The following PPP3CA variants were observed in gnomAD, a reference collection of about 807,000 sequenced individuals.
PPP3CA encodes protein phosphatase 3 catalytic subunit alpha.
In PPP3CA, 14 loss-of-function variants were observed where a neutral mutation model predicts 66.5. That is an observed-to-expected ratio of 0.21 (90% CI 0.14 to 0.33). The LOEUF (loss-of-function observed/expected upper bound fraction) is 0.33, where lower values mean the gene tolerates loss of function less well. Ranked by LOEUF, PPP3CA falls within the 10% of genes least tolerant of loss-of-function variation. PPP3CA has a pLI of 1.00. For missense variants in PPP3CA, 317 were observed against 639.5 expected (o/e 0.50, Z 5.44); for synonymous variants, 232 against 226.2 (o/e 1.03, Z -0.23).
At chr4:101,045,557 C>T (rs1235806107) in intron 10 of PPP3CA, among the ~76,000 whole-genome samples, 1 of 152,172 alleles carries the variant, frequency 6.6e-6, no homozygotes, top group Non-Finnish European at 1.5e-5. Context: ...GAATGACATT[C>T]TCCATAGAGA....
intron 1 of PPP3CA, among the ~76,000 whole-genome samples, chr4:101,327,539 T>A (rs1464264569): frequency 6.6e-6 from 1 of 152,112 alleles, no homozygotes; most frequent in Non-Finnish European, 1.5e-5. Flanking sequence ...GTTTCTTACA[T>A]ATTTTCTCAC....
intron 1 of PPP3CA, among the ~76,000 whole-genome samples, chr4:101,312,442 G>A (rs902106968): frequency 1.3e-5 from 2 of 151,602 alleles, no homozygotes; most frequent in African/African-American, 4.8e-5. Flanking sequence ...AATAATAAAA[G>A]AATTCACTGG....
In PPP3CA at chr4:101,159,310, A is replaced by G. The variant is rs1723425294; in HGVS notation, c.259+36606T>C. On this transcript the variant is annotated intron_variant, in intron 2 of 13. Coordinates refer to ENST00000394854, the MANE Select transcript of PPP3CA (RefSeq NM_000944.5). ...GCAGGCCACGCTGCTCTAACTAGGT[A>G]CTCACCAGTTTTTTCCCTCTATCTC... Among the ~76,000 whole-genome samples, 6 of 152,040 alleles carry G rather than the reference A, an allele frequency of 3.9e-5. No individual in the cohort carries two copies. In the South Asian group the frequency reaches 1.2e-3, roughly 32 times the overall value.
intron 2 of PPP3CA, among the ~76,000 whole-genome samples, chr4:101,137,620 T>G (rs1429584929): frequency 6.6e-6 from 1 of 152,114 alleles, no homozygotes; most frequent in African/African-American, 2.4e-5. Context: ...TGATGTCCTT[T>G]GGAAGAGCTG....
intron 2 of PPP3CA, among the ~76,000 whole-genome samples, chr4:101,158,553 T>C (rs1723400299): frequency 6.6e-6 from 1 of 152,224 alleles, no homozygotes; most frequent in South Asian, 2.1e-4. Context: ...CATATTATAA[T>C]TAAATGTCAG....
At chr4:101,176,785 C>T (rs1724074881) in intron 2 of PPP3CA, among the ~76,000 whole-genome samples, 1 of 151,670 alleles carries the variant, frequency 6.6e-6, no homozygotes, top group Admixed American at 6.6e-5. Flanking sequence ...ACTGTGAAGC[C>T]CCCCCAAAAA....
intron 2 of PPP3CA, among the ~76,000 whole-genome samples, chr4:101,164,562 G>T (rs1350430114): frequency 8.4e-5 from 12 of 142,186 alleles, no homozygotes; most frequent in South Asian, 2.2e-4. Flanking sequence ...TGGGATTTAA[G>T]TTTTTTTTTT....
At chr4:101,307,360 G>T (rs1162295756) in intron 1 of PPP3CA, among the ~76,000 whole-genome samples, 1 of 152,070 alleles carries the variant, frequency 6.6e-6, no homozygotes, top group African/African-American at 2.4e-5. Context: ...GCTGCCATAT[G>T]TCAAGTATTT....
chr4:101,098,399 G>C lies in PPP3CA; in HGVS notation c.610C>G (p.Pro204Ala). Reference protein sequence around the residue: ...QFLCVHGGLSPEINTLDDIRK... With the variant: ...QFLCVHGGLSAEINTLDDIRK... ...ATATCATCTAAAGTGTTAATCTCTGGAGACAAACCACCATGCACACACAGG... is the reference window on the plus strand; with the variant it reads ...ATATCATCTAAAGTGTTAATCTCTGCAGACAAACCACCATGCACACACAGG... Residue 204 changes from proline to alanine, a missense_variant, in exon 5 of 14, where the codon CCA becomes GCA. Around this residue, in one of 3 missense-constraint regions of PPP3CA, gnomAD observed 201 missense variants for 501.4 expected, o/e 0.40. Coordinates refer to ENST00000394854, the MANE Select transcript of PPP3CA (RefSeq NM_000944.5). 1 of 1,609,804 alleles carries C rather than the reference G, an allele frequency of 6.2e-7. No homozygotes were observed. Among genetic ancestry groups the C allele is most frequent in the Non-Finnish European group, 8.5e-7 (1 of 1,178,350 alleles).
chr4:101,069,300 T>A (rs1349374341), intron 8 of PPP3CA, among the ~76,000 whole-genome samples: 1 of 152,194 alleles, frequency 6.6e-6, no homozygotes, highest in African/African-American at 2.4e-5. Flanking sequence ...TTATTTTGTG[T>A]GTATCAAGGA....
In PPP3CA at chr4:101,043,926, T is replaced by G. The variant is rs1035572644; in HGVS notation, c.1157-3360A>C. Among the ~76,000 whole-genome samples, 3 of 152,160 alleles carry G rather than the reference T, an allele frequency of 2.0e-5. No homozygotes were observed. The East Asian group carries it at 5.8e-4, about 29-fold the overall frequency. ...AGATAAGGAGTTTTATTATCCCTCT[T>G]ATAAAACTGAAATATATTTACACAA... On this transcript the variant is annotated intron_variant, in intron 10 of 13. Transcript: ENST00000394854.
intron 2 of PPP3CA, among the ~76,000 whole-genome samples, chr4:101,138,960 C>A (rs1722710048): frequency 6.6e-6 from 1 of 152,070 alleles, no homozygotes; most frequent in Admixed American, 6.6e-5. Context: ...ATGTGAAAAA[C>A]ACTTTTTAAG....
At chr4:101,214,182 C>T (rs1725389314) in intron 1 of PPP3CA, among the ~76,000 whole-genome samples, 1 of 152,120 alleles carries the variant, frequency 6.6e-6, no homozygotes, top group Non-Finnish European at 1.5e-5. Context: ...CAAAGTTGGG[C>T]TTGCCCCAAG....
chr4:101,148,984 G>A (rs1406141725), intron 2 of PPP3CA, among the ~76,000 whole-genome samples: 2 of 152,024 alleles, frequency 1.3e-5, no homozygotes, highest in Non-Finnish European at 2.9e-5. Flanking sequence ...CCATATTAAT[G>A]AATAAAGATA....
At chr4:101,100,065 T>C (rs1182815333) in intron 3 of PPP3CA, among the ~76,000 whole-genome samples, 1 of 151,954 alleles carries the variant, frequency 6.6e-6, no homozygotes, top group Admixed American at 6.6e-5. Context: ...TAAAATATAC[T>C]AGAAATAAAA....
At chr4:101,328,263 AAAC>A in intron 1 of PPP3CA, among the ~76,000 whole-genome samples, 1 of 152,348 alleles carries the variant, frequency 6.6e-6, no homozygotes, top group Non-Finnish European at 1.5e-5. Context: ...TCACAAGAAC[AAAC>A]AACTGTCTCC....
intron 1 of PPP3CA, 94 bp from the exon 2 acceptor site, chr4:101,196,210 A>G: frequency 8.9e-7 from 1 of 1,119,548 alleles, no homozygotes; most frequent in Non-Finnish European, 1.3e-6. Context: ...ATCACAAACC[A>G]ACTAATATAA....
intron 2 of PPP3CA, among the ~76,000 whole-genome samples, chr4:101,127,306 G>A (rs1265927237): frequency 1.3e-5 from 2 of 151,888 alleles, no homozygotes; most frequent in Non-Finnish European, 2.9e-5. Context: ...ATATGTTGAT[G>A]ACCTAACCCC....
chr4:101,194,019 A>G (rs1724707673), intron 2 of PPP3CA, among the ~76,000 whole-genome samples: 1 of 152,294 alleles, frequency 6.6e-6, no homozygotes, highest in Non-Finnish European at 1.5e-5. Context: ...GAGAGTTTAC[A>G]TATCTACTAC....
Sources: gnomAD v4.1 joint callset for allele counts (sites outside exome capture counted in the v4.1 genomes callset) on GRCh38, gnomAD v4.1.1 for gene constraint, gnomAD v4.1.1 regional missense constraint, MANE v1.5 for transcripts, NCBI Gene and HGNC (gene_info 2026-07-23, HGNC 2026-07-21) for gene names.